HECW1: variants seen among roughly 807,000 people sequenced by gnomAD.
HECW1 encodes the protein HECT, C2 and WW domain containing E3 ubiquitin protein ligase 1, also known as E3 ubiquitin-protein ligase HECW1.
In HECW1, 61 loss-of-function variants were observed where a neutral mutation model predicts 182.3. That is an observed-to-expected ratio of 0.33 (90% CI 0.27 to 0.41). HECW1 has a LOEUF of 0.41. HECW1 is among the 10% of genes least tolerant of loss of function. The pLI is 1.00. For missense variants in HECW1, 1,739 were observed against 2,108.9 expected (o/e 0.82, Z 3.44); for synonymous variants, 859 against 832.6 (o/e 1.03, Z -0.55).
intron 19 of HECW1, among the ~76,000 whole-genome samples, chr7:43,497,793 C>T (rs1433550738): frequency 6.6e-6 from 1 of 152,006 alleles, no homozygotes; most frequent in African/African-American, 2.4e-5. Context: ...AAGTGTGGGG[C>T]TTGTGCAGGT....
At chr7:43,477,158 G>C (rs1472821683) in intron 16 of HECW1, among the ~76,000 whole-genome samples, 1 of 152,106 alleles carries the variant, frequency 6.6e-6, no homozygotes, top group East Asian at 1.9e-4. Flanking sequence ...ATTTCTAAGA[G>C]TTCTTTCAAA....
intron 6 of HECW1, among the ~76,000 whole-genome samples, chr7:43,377,525 G>A (rs1437181740): frequency 6.6e-6 from 1 of 152,092 alleles, no homozygotes; most frequent in East Asian, 1.9e-4. Flanking sequence ...TTAAGGTGCT[G>A]TAGATTAAGA....
intron 6 of HECW1, among the ~76,000 whole-genome samples, chr7:43,371,469 T>A (rs1817353361): frequency 6.6e-6 from 1 of 152,092 alleles, no homozygotes; most frequent in African/African-American, 2.4e-5. Context: ...GTAAAATAAA[T>A]GAAAGGCTAT....
intron 3 of HECW1, among the ~76,000 whole-genome samples, chr7:43,296,399 C>A (rs1431157848): frequency 6.6e-6 from 1 of 152,170 alleles, no homozygotes; most frequent in African/African-American, 2.4e-5. Context: ...TGTGGCTCAG[C>A]TTTTCTTGTT....
At chr7:43,274,836 T>C (rs1395825850) in intron 3 of HECW1, among the ~76,000 whole-genome samples, 6 of 152,186 alleles carry the variant, frequency 3.9e-5, no homozygotes, top group Admixed American at 2.6e-4. Flanking sequence ...GTGAAATCAA[T>C]GAGAAGATAT....
intron 2 of HECW1, among the ~76,000 whole-genome samples, chr7:43,210,252 G>T (rs568335183): frequency 1.3e-5 from 2 of 152,220 alleles, no homozygotes; most frequent in East Asian, 3.9e-4. Flanking sequence ...TGTTGTCACT[G>T]CCCAAAACGA....
At chr7:43,114,448 G>C in intron 2 of HECW1, 57 bp downstream of exon 2, 1 of 1,308,726 alleles carries the variant, frequency 7.6e-7, no homozygotes, top group Non-Finnish European at 1.0e-6. Flanking sequence ...ACTAAGAAGG[G>C]ATTAGAGTCC....
chr7:43,414,802 A>G (rs1217473516), intron 8 of HECW1, among the ~76,000 whole-genome samples: 4 of 151,706 alleles, frequency 2.6e-5, no homozygotes, highest in Non-Finnish European at 5.9e-5. Context: ...CCCAGGGATG[A>G]AGCCCACTTG....
chr7:43,515,615 C>T (rs1188455262), intron 24 of HECW1, among the ~76,000 whole-genome samples: 2 of 152,166 alleles, frequency 1.3e-5, no homozygotes, highest in Non-Finnish European at 2.9e-5. Context: ...CTACCAAATA[C>T]TTATCAGTGC....
chr7:43,543,722 T>C (rs1168398056), intron 26 of HECW1, among the ~76,000 whole-genome samples: 1 of 143,434 alleles, frequency 7.0e-6, no homozygotes. Context: ...GCAGTTACAG[T>C]GAGCCGAGAT....
At chr7:43,129,426 G>A (rs1410007507) in intron 2 of HECW1, among the ~76,000 whole-genome samples, 1 of 152,152 alleles carries the variant, frequency 6.6e-6, no homozygotes, top group Admixed American at 6.5e-5. Flanking sequence ...TGAAATTAAG[G>A]TGTGTGTATT....
At chr7:43,559,010 C>T (rs905520804) in intron 29 of HECW1, among the ~76,000 whole-genome samples, 2 of 152,188 alleles carry the variant, frequency 1.3e-5, no homozygotes, top group Non-Finnish European at 2.9e-5. Context: ...ACTTACATAA[C>T]CGGCTGAACA....
intron 24 of HECW1, among the ~76,000 whole-genome samples, chr7:43,520,215 T>C (rs1209982270): frequency 2.6e-5 from 4 of 152,220 alleles, no homozygotes; most frequent in Non-Finnish European, 5.9e-5. Context: ...CTCATGTATA[T>C]GGTACAACTA....
intron 9 of HECW1, 111 bp downstream of exon 9, chr7:43,438,256 C>A: frequency 1.2e-6 from 1 of 858,722 alleles, no homozygotes; most frequent in Non-Finnish European, 1.8e-6. Context: ...AAAATGGTAT[C>A]ATTATATTTC....
chr7:43,276,601 G>T (rs1803191356), intron 3 of HECW1, among the ~76,000 whole-genome samples: 1 of 152,106 alleles, frequency 6.6e-6, no homozygotes, highest in African/African-American at 2.4e-5. Context: ...GCCTAATCCT[G>T]ATAAAATGTG....
chr7:43,504,203 T>C (rs2079484787), intron 21 of HECW1, among the ~76,000 whole-genome samples: 1 of 152,216 alleles, frequency 6.6e-6, no homozygotes, highest in South Asian at 2.1e-4. Flanking sequence ...CCTCATTCCG[T>C]TCCCTGGCTT....
At chr7:43,309,042 G>A (rs565180337) in intron 3 of HECW1, among the ~76,000 whole-genome samples, 1 of 152,294 alleles carries the variant, frequency 6.6e-6, no homozygotes, top group East Asian at 1.9e-4. Context: ...ATTATGCCAG[G>A]TACAGGGGAT....
intron 5 of HECW1, among the ~76,000 whole-genome samples, chr7:43,321,591 A>C (rs1810119737): frequency 6.6e-6 from 1 of 152,146 alleles, no homozygotes; most frequent in Non-Finnish European, 1.5e-5. Flanking sequence ...TTCTTCATGC[A>C]CTTTCTGGTT....
intron 3 of HECW1, among the ~76,000 whole-genome samples, chr7:43,294,968 T>C (rs1805858213): frequency 6.6e-6 from 1 of 152,074 alleles, no homozygotes; most frequent in African/African-American, 2.4e-5. Flanking sequence ...TGTACATTGA[T>C]TCAGTCCGGA....
Sources: gnomAD v4.1 joint callset for allele counts (sites outside exome capture counted in the v4.1 genomes callset) on GRCh38, gnomAD v4.1.1 for gene constraint, MANE v1.5 for transcripts, NCBI Gene and HGNC (gene_info 2026-07-23, HGNC 2026-07-21) for gene names.